The following SLC17A9 variants were observed in gnomAD, a reference collection of about 807,000 sequenced individuals.
The protein encoded by SLC17A9 is voltage-gated purine nucleotide uniporter SLC17A9.
In SLC17A9, 49 loss-of-function variants were observed where a neutral mutation model predicts 55.0. The observed-to-expected ratio is 0.89, with a 90% CI of 0.71 to 1.13. SLC17A9 has a LOEUF of 1.13. SLC17A9 is among the 50% of genes most tolerant of loss of function. The probability of loss-of-function intolerance (pLI) is 0.00; values close to 1 mark genes in which losing one functional copy is unlikely to be tolerated. For missense variants in SLC17A9, 526 were observed against 569.3 expected (o/e 0.92, Z 0.77); for synonymous variants, 256 against 247.4 (o/e 1.03, Z -0.32).
intron 5 of SLC17A9, chr20:62,963,064 A>C: frequency 3.1e-6 from 2 of 643,490 alleles, no homozygotes; most frequent in Admixed American, 2.8e-5. Context: ...GGCCGTGTGG[A>C]GGGTCGTTCA....
chr20:62,964,265 T>C lies in SLC17A9; in HGVS notation c.860T>C (p.Ile287Thr), dbSNP rs1233799695. The C allele has an allele frequency of 6.2e-7, 1 of 1,614,076 alleles. No homozygotes were observed. Among genetic ancestry groups the C allele is most frequent in the Non-Finnish European group, 8.5e-7 (1 of 1,180,020 alleles). The part of the protein sequence containing the change: ...IFNVVPWLVA[I>T]PASLFSGFLS... ...AACGTGGTTCCTTGGTTGGTGGCGA[T>C]TCCGGCCAGTCTATTCAGCGGGTTT... The change falls in exon 8 of 13, where the codon ATT becomes ACT. Residue 287 changes from isoleucine (I) to threonine (T), a missense_variant. Transcript: ENST00000370351.
rs773815975 is a variant in SLC17A9, at chr20:62,967,333, G to C, written c.1148-4G>C. On this transcript the variant is annotated splice_region_variant and splice_polypyrimidine_tract_variant and intron_variant, in intron 12 of 12. Coordinates refer to ENST00000370351, the MANE Select transcript of SLC17A9 (RefSeq NM_022082.4). The stretch of plus-strand genomic sequence containing the variant: ...CTCAGCCCGCCTGGCCCTCTCTTGG[G>C]CAGGTGTCGTGGGTGTGTGTCTAGG... 2.5e-6 allele frequency: 4 copies of C among 1,613,716 alleles called. No individual in the cohort carries two copies. The South Asian group carries it at 4.4e-5, about 18-fold the overall frequency.
intron 1 of SLC17A9, among the ~76,000 whole-genome samples, chr20:62,955,304 C>G (rs368290108): frequency 6.6e-6 from 1 of 151,670 alleles, no homozygotes; most frequent in Non-Finnish European, 1.5e-5. Flanking sequence ...CCCGCCACTA[C>G]GCCTGGCTAA....
chr20:62,957,886 C>T (rs1055931326), intron 3 of SLC17A9, among the ~76,000 whole-genome samples: 8 of 151,370 alleles, frequency 5.3e-5, no homozygotes, highest in Non-Finnish European at 7.4e-5. Context: ...TGGGCATGCC[C>T]GCGTGCATGC....
At chr20:62,963,977 G>A in intron 7 of SLC17A9, 1 of 599,628 alleles carries the variant, frequency 1.7e-6, no homozygotes, top group Non-Finnish European at 3.0e-6. Context: ...CAGAGCCTGA[G>A]GAGGCCGGTG....
Position 62,963,687 on chromosome 20 carries a change from C to G in SLC17A9, c.822+7C>G. On this transcript the variant is annotated splice_region_variant and intron_variant, in intron 7 of 12. Transcript: ENST00000370351. ...GACCTTCCCCGACGCCAAGGTGAGT[C>G]GGGGGCTCCCGCAGGGTGAAGGAGC... 1 of 1,576,420 alleles carries G rather than the reference C, an allele frequency of 6.3e-7. No individual in the cohort carries two copies. The highest frequency in any genetic ancestry group is 8.6e-7 in the Non-Finnish European group (1 of 1,161,178).
At chr20:62,965,266 A>C in intron 9 of SLC17A9, 100 bp downstream of exon 9, 1 of 1,513,296 alleles carries the variant, frequency 6.6e-7, no homozygotes, top group Non-Finnish European at 9.2e-7. Flanking sequence ...GATATCTGGG[A>C]CCAGGCAAAT....
chr20:62,955,656 G>C (rs2065530859), intron 1 of SLC17A9, among the ~76,000 whole-genome samples: 1 of 152,290 alleles, frequency 6.6e-6, no homozygotes, highest in South Asian at 2.1e-4. Flanking sequence ...GTGGCTTTTA[G>C]TGGAAAGTTA....
At chr20:62,961,868 C>T (rs2065591954) in intron 4 of SLC17A9, among the ~76,000 whole-genome samples, 1 of 152,180 alleles carries the variant, frequency 6.6e-6, no homozygotes, top group Admixed American at 6.5e-5. Flanking sequence ...AGTGCTACCC[C>T]AGCCCGCCCT....
At chr20:62,960,729 G>T in intron 4 of SLC17A9, 126 bp downstream of exon 4, 1 of 882,736 alleles carries the variant, frequency 1.1e-6, no homozygotes, top group Middle Eastern at 3.4e-4. Context: ...GGTGGGTCCC[G>T]CAGGCGCCTT....
At chr20:62,956,021 G>A (rs1243059418) in intron 1 of SLC17A9, among the ~76,000 whole-genome samples, 1 of 152,258 alleles carries the variant, frequency 6.6e-6, no homozygotes, top group Non-Finnish European at 1.5e-5. Flanking sequence ...CTGCCGTGGG[G>A]AGGGGCTGGA....
chr20:62,966,481 C>T (rs375760608), intron 10 of SLC17A9, 44 bp from the exon 11 acceptor site: 263 of 1,594,372 alleles, frequency 1.6e-4, no homozygotes, highest in Non-Finnish European at 2.1e-4. Flanking sequence ...GCCACCAGCT[C>T]GGTGGTGGCC....
chr20:62,960,435 C>A, intron 3 of SLC17A9, 69 bp from the exon 4 acceptor site: 3 of 1,454,878 alleles, frequency 2.1e-6, no homozygotes, highest in Non-Finnish European at 2.8e-6. Flanking sequence ...ACAGCCCAAA[C>A]CTGAGCAGAT....
intron 11 of SLC17A9, 43 bp from the exon 12 acceptor site, chr20:62,966,660 T>C (rs374528187): frequency 2.5e-6 from 4 of 1,613,796 alleles, no homozygotes; most frequent in Non-Finnish European, 3.4e-6. Flanking sequence ...CGGAGGGCTT[T>C]TGCTGACCAT....
chr20:62,957,730 C>CTG (rs1271825979), intron 3 of SLC17A9, 150 bp downstream of exon 3: 66 of 602,544 alleles, frequency 1.1e-4, no homozygotes, highest in East Asian at 6.9e-4. Context: ...ATGCGTGCAC[C>CTG]TGTGTGTGTG....
chr20:62,954,682 C>T (rs1422226888), intron 1 of SLC17A9, among the ~76,000 whole-genome samples: 4 of 152,238 alleles, frequency 2.6e-5, no homozygotes, highest in African/African-American at 9.6e-5. Flanking sequence ...CTTGTCTCCC[C>T]GGCAGCTGTG....
intron 8 of SLC17A9, 96 bp from the exon 9 acceptor site, chr20:62,965,036 C>T: frequency 7.0e-7 from 1 of 1,431,150 alleles, no homozygotes; most frequent in Non-Finnish European, 9.8e-7. Flanking sequence ...CTCTTCCTCC[C>T]CTGCTGCCCC....
intron 10 of SLC17A9, among the ~76,000 whole-genome samples, 174 bp from the exon 11 acceptor site, chr20:62,966,351 C>A (rs1056721999): frequency 6.6e-6 from 1 of 151,232 alleles, no homozygotes; most frequent in Non-Finnish European, 1.5e-5. Flanking sequence ...GGTTGGGGCT[C>A]GGGTTGGCGT....
Position 62,962,618 on chromosome 20 carries a change from T to C in SLC17A9, c.498-6T>C, listed in dbSNP as rs1220796952. The C allele has an allele frequency of 6.2e-7, 1 of 1,613,558 alleles. No individual in the cohort carries two copies. The highest frequency in any genetic ancestry group is 8.5e-7 in the Non-Finnish European group (1 of 1,179,660). ...GGGCCTGGCCACACTCCCCCTGTCT[T>C]TGCAGGACGCTGCTGACCGGGGCGG... On this transcript the variant is annotated splice_region_variant and splice_polypyrimidine_tract_variant and intron_variant, in intron 4 of 12. Coordinates refer to ENST00000370351, the MANE Select transcript of SLC17A9 (RefSeq NM_022082.4). The surrounding 1 kb of genome is among the most constrained non-coding windows in gnomAD (Gnocchi z 5.5).
Sources: gnomAD v4.1 joint callset for allele counts (sites outside exome capture counted in the v4.1 genomes callset) on GRCh38, gnomAD v4.1.1 for gene constraint, Gnocchi (gnomAD v3.1) non-coding constraint, MANE v1.5 for transcripts, NCBI Gene and HGNC (gene_info 2026-07-23, HGNC 2026-07-21) for gene names.